Variants in ETV6 observed in about 807,000 individuals in gnomAD.
ETV6 encodes transcription factor ETV6.
ETV6 carries 16 observed loss-of-function variants against 51.1 expected under a neutral mutation model. The ratio of observed to expected loss-of-function variants is 0.31; its 90% confidence interval spans 0.21 to 0.48. The LOEUF is 0.48. ETV6 is among the 20% of genes least tolerant of loss of function. The pLI is 0.99. For missense variants in ETV6, 458 were observed against 594.8 expected (o/e 0.77, Z 2.39); for synonymous variants, 240 against 224.1 (o/e 1.07, Z -0.64).
intron 1 of ETV6, among the ~76,000 whole-genome samples, chr12:11,741,026 C>G (rs1261956552): frequency 6.6e-6 from 1 of 152,136 alleles, no homozygotes; most frequent in Non-Finnish European, 1.5e-5. Flanking sequence ...AATTGAAGGG[C>G]TTTTATCTTG....
chr12:11,725,340 G>A (rs1865468878), intron 1 of ETV6, among the ~76,000 whole-genome samples: 1 of 152,024 alleles, frequency 6.6e-6, no homozygotes, highest in South Asian at 2.1e-4. Flanking sequence ...TGGCAGCCCC[G>A]AGCTTTTCCT....
intron 1 of ETV6, among the ~76,000 whole-genome samples, chr12:11,677,236 A>G (rs1465359450): frequency 6.6e-6 from 1 of 152,138 alleles, no homozygotes; most frequent in African/African-American, 2.4e-5. Context: ...AACAAGATAG[A>G]TGGGTCTGGC....
At chr12:11,841,633 C>G (rs1389797910) in intron 3 of ETV6, among the ~76,000 whole-genome samples, 4 of 152,180 alleles carry the variant, frequency 2.6e-5, no homozygotes, top group Non-Finnish European at 5.9e-5. Context: ...CCAAGCAACT[C>G]TATGCCAGAG....
intron 1 of ETV6, among the ~76,000 whole-genome samples, chr12:11,665,524 T>G (rs1439274568): frequency 2.0e-5 from 3 of 152,228 alleles, no homozygotes; most frequent in Non-Finnish European, 4.4e-5. Context: ...ATGGGTTCAT[T>G]TTTATATTTC....
rs59632980 is a variant in ETV6 at position 11,829,106 on chromosome 12, C to T, written c.164-10034C>T. On this transcript the variant is annotated intron_variant, in intron 2 of 7. Transcript: ENST00000396373. ...TGACAATTCAGTCCCCTCCTCAAAG[C>T]ACTGTACTGGGCCTCATAGCTCCTG... 8.2e-3 allele frequency among the ~76,000 whole-genome samples: 1,243 copies of T among 152,286 alleles called. 20 individuals carry two copies. The highest frequency in any genetic ancestry group is 0.029 in the African/African-American group (1,191 of 41,568).
At chr12:11,882,079 G>A (rs1461334489) in intron 5 of ETV6, among the ~76,000 whole-genome samples, 1 of 152,102 alleles carries the variant, frequency 6.6e-6, no homozygotes, top group African/African-American at 2.4e-5. Context: ...TTAAGAAGGA[G>A]GCCACTTGTC....
In ETV6 at chr12:11,678,304, G is replaced by A. The variant is rs558561684; in HGVS notation, c.33+28144G>A. On this transcript the variant is annotated intron_variant, in intron 1 of 7. Transcript: ENST00000396373. ...TAGCATGGATGCTGATCAACTGCCC[G>A]AGGTAAAGGAACCTCTTGAGGTCAG... Among the ~76,000 whole-genome samples the A allele has an allele frequency of 1.8e-4, 27 of 152,310 alleles. No individual in the cohort carries two copies. The South Asian group carries it at 5.2e-3, about 29-fold the overall frequency.
chr12:11,853,573 G>A lies in ETV6; in HGVS notation c.463+12G>A, dbSNP rs767762967. The A allele has an allele frequency of 1.4e-5, 22 of 1,613,542 alleles. No individual in the cohort carries two copies. In the East Asian group the frequency reaches 4.5e-4, roughly 33 times the overall value. On this transcript the variant is annotated intron_variant, in intron 4 of 7. Coordinates refer to ENST00000396373, the MANE Select transcript of ETV6 (RefSeq NM_001987.5). ...GAACCATGAAGAAGGTACTGGAAGA[G>A]GTTTCTCTTTTCTTGCCTGAGGTTT...
intron 2 of ETV6, among the ~76,000 whole-genome samples, chr12:11,804,739 C>G (rs1945804211): frequency 6.6e-6 from 1 of 152,184 alleles, no homozygotes; most frequent in Non-Finnish European, 1.5e-5. Flanking sequence ...TTTTAAAACA[C>G]TGGATGGTGA....
intron 1 of ETV6, among the ~76,000 whole-genome samples, chr12:11,686,065 C>A (rs1864622819): frequency 6.6e-6 from 1 of 152,204 alleles, no homozygotes; most frequent in Non-Finnish European, 1.5e-5. Context: ...CTTAAAATAT[C>A]TTTGATTTAA....
intron 1 of ETV6, among the ~76,000 whole-genome samples, chr12:11,733,541 G>C (rs1191120724): frequency 6.6e-6 from 1 of 152,068 alleles, no homozygotes; most frequent in African/African-American, 2.4e-5. Flanking sequence ...GTACAGAGAA[G>C]GTGTAAGTTA....
intron 1 of ETV6, among the ~76,000 whole-genome samples, chr12:11,666,989 T>C (rs535529937): frequency 1.3e-5 from 2 of 152,314 alleles, no homozygotes; most frequent in South Asian, 4.1e-4. Flanking sequence ...GGTTGAGAGT[T>C]GTTACGGGTG....
At chr12:11,861,495 A>G (rs535859247) in intron 4 of ETV6, among the ~76,000 whole-genome samples, 2 of 152,258 alleles carry the variant, frequency 1.3e-5, no homozygotes, top group Admixed American at 6.5e-5. Context: ...CCCTCGGCCT[A>G]TTACAGGAGG....
At chr12:11,831,659 T>G (rs1223212317) in intron 2 of ETV6, among the ~76,000 whole-genome samples, 1 of 152,248 alleles carries the variant, frequency 6.6e-6, no homozygotes, top group Non-Finnish European at 1.5e-5. Flanking sequence ...ATTTTTACGT[T>G]TCATTGTATT....
chr12:11,877,237 C>T (rs1947001602), intron 5 of ETV6, among the ~76,000 whole-genome samples: 1 of 151,916 alleles, frequency 6.6e-6, no homozygotes, highest in South Asian at 2.1e-4. Context: ...CATCTTGCTT[C>T]TGTCTCCACT....
In ETV6 at chr12:11,832,388, C is replaced by G. The variant is rs112753515; in HGVS notation, c.164-6752C>G. Among the ~76,000 whole-genome samples the G allele has an allele frequency of 2.6e-5, 4 of 152,254 alleles. 1 individual carries two copies. Among genetic ancestry groups the G allele is most frequent in the African/African-American group, 9.6e-5 (4 of 41,528 alleles). ...CTGAATAAATGCAAGGCTCTTGGCCCGGACAAATGACATCCCAGGGTCGAG... is the reference window on the plus strand; with the variant it reads ...CTGAATAAATGCAAGGCTCTTGGCCGGGACAAATGACATCCCAGGGTCGAG... On this transcript the variant is annotated intron_variant, in intron 2 of 7. Transcript: ENST00000396373.
intron 4 of ETV6, among the ~76,000 whole-genome samples, chr12:11,868,526 C>T (rs1224702378): frequency 1.3e-5 from 2 of 150,880 alleles, no homozygotes; most frequent in Non-Finnish European, 2.9e-5. Flanking sequence ...CAACCTCCAC[C>T]TCCTGGGTTC....
At chr12:11,753,399 T>A (rs1866077025) in intron 2 of ETV6, among the ~76,000 whole-genome samples, 2 of 152,188 alleles carry the variant, frequency 1.3e-5, no homozygotes, top group Admixed American at 1.3e-4. Flanking sequence ...CTGGAGAGAC[T>A]GAATCACCTG....
intron 2 of ETV6, among the ~76,000 whole-genome samples, chr12:11,798,670 T>C (rs1231725166): frequency 1.3e-5 from 2 of 152,208 alleles, no homozygotes; most frequent in African/African-American, 4.8e-5. Context: ...ATGACATTTA[T>C]AAAAATGAAA....
Sources: allele counts gnomAD v4.1 joint callset (sites outside exome capture counted in the v4.1 genomes callset), GRCh38; gene constraint gnomAD v4.1.1; transcripts MANE v1.5; gene names NCBI Gene and HGNC (gene_info 2026-07-23, HGNC 2026-07-21).